Variants in PTPRT observed in about 807,000 individuals in gnomAD.
The protein encoded by PTPRT is receptor-type tyrosine-protein phosphatase T.
A neutral mutation model predicts 176.8 loss-of-function variants in PTPRT; 56 were observed. That is an observed-to-expected ratio of 0.32 (90% CI 0.26 to 0.40). The LOEUF is 0.40. Among genes scored for constraint, PTPRT ranks in the 10% least tolerant of loss-of-function variants. The pLI is 1.00. For missense variants in PTPRT, 1,540 were observed against 1,908.2 expected, an observed-to-expected ratio of 0.81 and a Z score of 3.60; for synonymous variants, 783 against 739.0, an observed-to-expected ratio of 1.06 and a Z score of -0.96.
At chr20:42,351,010 G>A (rs751876955) in intron 10 of PTPRT, among the ~76,000 whole-genome samples, 1 of 152,152 alleles carries the variant, frequency 6.6e-6, no homozygotes, top group Non-Finnish European at 1.5e-5. Context: ...AAACAGATAT[G>A]TGCAGGGAAT....
intron 11 of PTPRT, among the ~76,000 whole-genome samples, chr20:42,338,888 C>A (rs939135175): frequency 6.6e-6 from 1 of 152,098 alleles, no homozygotes; most frequent in Non-Finnish European, 1.5e-5. Flanking sequence ...TTCATTTTTT[C>A]TCTCTTCTTC....
intron 1 of PTPRT, among the ~76,000 whole-genome samples, chr20:42,933,716 C>T (rs947335418): frequency 2.0e-5 from 3 of 152,194 alleles, no homozygotes; most frequent in Non-Finnish European, 2.9e-5. Context: ...CAGCAAGGTT[C>T]CTGTCAAAGC....
chr20:42,665,372 G>A (rs1167102811), intron 7 of PTPRT, among the ~76,000 whole-genome samples: 5 of 152,166 alleles, frequency 3.3e-5, no homozygotes, highest in African/African-American at 1.2e-4. Flanking sequence ...TCAGAGAAAT[G>A]CAAATCAAAA....
intron 2 of PTPRT, among the ~76,000 whole-genome samples, chr20:42,838,193 T>C (rs208226): frequency 0.49 from 73,821 of 151,924 alleles, 18,337 homozygotes; most frequent in Non-Finnish European, 0.54. Context: ...CGCCCTGCTG[T>C]TTTTGTATTT....
intron 1 of PTPRT, among the ~76,000 whole-genome samples, chr20:43,024,711 A>T (rs1007071548): frequency 6.6e-6 from 1 of 152,218 alleles, no homozygotes; most frequent in Non-Finnish European, 1.5e-5. Flanking sequence ...CTTGGCCACT[A>T]TTCCATTGGG....
intron 11 of PTPRT, 24 bp from the exon 12 acceptor site, chr20:42,316,020 G>C (rs745351627): frequency 1.2e-6 from 2 of 1,610,480 alleles, no homozygotes; most frequent in Non-Finnish European, 8.5e-7. Flanking sequence ...AGGAGACACA[G>C]ATGGTTGAGC....
At chr20:42,906,060 A>G (rs553570135) in intron 1 of PTPRT, among the ~76,000 whole-genome samples, 22 of 152,274 alleles carry the variant, frequency 1.4e-4, no homozygotes, top group Non-Finnish European at 2.9e-4. Context: ...GTATATATAT[A>G]TAAAAAAAAG....
intron 1 of PTPRT, among the ~76,000 whole-genome samples, chr20:43,046,900 C>G (rs1225176218): frequency 6.6e-6 from 1 of 152,130 alleles, no homozygotes; most frequent in East Asian, 1.9e-4. Flanking sequence ...TTCTGAGCTC[C>G]AAAGAATAAT....
chr20:42,769,337 G>A (rs1478848811), intron 5 of PTPRT, among the ~76,000 whole-genome samples: 1 of 152,160 alleles, frequency 6.6e-6, no homozygotes, highest in African/African-American at 2.4e-5. Flanking sequence ...GAAAGTGTGT[G>A]GAGAGACAGC....
intron 9 of PTPRT, among the ~76,000 whole-genome samples, chr20:42,368,893 G>T (rs527570613): frequency 2.0e-4 from 30 of 152,270 alleles, no homozygotes; most frequent in African/African-American, 6.7e-4. Flanking sequence ...CTCAGAGGGG[G>T]TTATACAGTG....
intron 1 of PTPRT, among the ~76,000 whole-genome samples, chr20:43,090,663 AT>A (rs937000080): frequency 2.6e-5 from 4 of 152,220 alleles, no homozygotes; most frequent in African/African-American, 7.2e-5. Context: ...AAAGGAAAAA[AT>A]ATCAATAGAA....
chr20:42,774,006 C>T (rs1247983229), intron 4 of PTPRT, among the ~76,000 whole-genome samples: 3 of 152,214 alleles, frequency 2.0e-5, no homozygotes, highest in Non-Finnish European at 4.4e-5. Context: ...AGACCTTTTG[C>T]CTTGATTCTT....
intron 9 of PTPRT, among the ~76,000 whole-genome samples, chr20:42,438,067 C>T (rs914239399): frequency 3.3e-5 from 5 of 152,196 alleles, no homozygotes; most frequent in African/African-American, 1.2e-4. Context: ...GGAGAAAGTT[C>T]CATCTCTAGC....
chr20:42,476,860 C>T (rs866334764), intron 7 of PTPRT, among the ~76,000 whole-genome samples: 3 of 152,146 alleles, frequency 2.0e-5, no homozygotes, highest in Admixed American at 6.5e-5. Flanking sequence ...GCCACATGGC[C>T]GAGCCCCCAT....
At chr20:42,607,377 G>A (rs985877885) in intron 7 of PTPRT, 10 of 152,162 alleles carry the variant, frequency 6.6e-5, no homozygotes, top group Admixed American at 3.9e-4. Flanking sequence ...TTAAAAAAAT[G>A]GGAGGTGGAG....
chr20:42,264,255 G>A (rs920366765), intron 13 of PTPRT, among the ~76,000 whole-genome samples: 26 of 152,226 alleles, frequency 1.7e-4, no homozygotes, highest in African/African-American at 5.8e-4. Flanking sequence ...ATCTCCCACA[G>A]AACACCCTAC....
At position 42,199,138 on chromosome 20, in the gene PTPRT, C is replaced by G. The variant is rs553530062; in HGVS notation, c.2491+102G>C. 1.4e-5 allele frequency: 19 copies of G among 1,402,274 alleles called. No homozygotes were observed. In the East Asian group the frequency reaches 4.2e-4, roughly 31 times the overall value. 86.9% of individuals were successfully genotyped at this position (1,402,274 alleles called of 1,614,324 possible). ...TCCATATCAGGCAAGCATCCATACC[C>G]TATGCCTGGCAGCACCTGATCAATG... On this transcript the variant is annotated intron_variant, in intron 16 of 30. Coordinates refer to ENST00000373187, the MANE Select transcript of PTPRT (RefSeq NM_007050.6).
intron 1 of PTPRT, among the ~76,000 whole-genome samples, chr20:43,083,325 T>TATATATATATATATATATACAC (rs2011496337): frequency 5.0e-5 from 1 of 20,136 alleles, no homozygotes; most frequent in African/African-American, 2.5e-4. Context: ...CAAATGTATA[T>TATATATATATATATATATACAC]ATATATATAT....
chr20:43,093,654 A>G lies in PTPRT; in HGVS notation c.88+95992T>C, dbSNP rs543481113. Among the ~76,000 whole-genome samples the G allele has an allele frequency of 9.8e-4, 149 of 152,208 alleles. 1 individual carries two copies. Among genetic ancestry groups the G allele is most frequent in the African/African-American group, 3.5e-3 (146 of 41,542 alleles). On this transcript the variant is annotated intron_variant, in intron 1 of 30. Transcript: ENST00000373187. ...CCAGAGTGATCCTCGGGAAGTTAAC[A>G]CTTCATGTCAATTCCCTGCTCCAAT...
Sources: gnomAD v4.1 joint callset for allele counts (sites outside exome capture counted in the v4.1 genomes callset) on GRCh38, gnomAD v4.1.1 for gene constraint, MANE v1.5 for transcripts, NCBI Gene and HGNC (gene_info 2026-07-23, HGNC 2026-07-21) for gene names.